ATP8B4: variants seen among roughly 807,000 people sequenced by gnomAD.
ATP8B4 encodes the protein probable phospholipid-transporting ATPase IM.
In ATP8B4, 133 loss-of-function variants were observed where a neutral mutation model predicts 145.6. The observed-to-expected ratio is 0.91, with a 90% CI of 0.79 to 1.05. The LOEUF is 1.05. Among genes scored for constraint, ATP8B4 ranks in the 50% least tolerant of loss-of-function variants. The pLI, the probability that ATP8B4 is intolerant of heterozygous loss-of-function variation, is 0.00. For synonymous variants in ATP8B4, 507 were observed against 492.9 expected, an observed-to-expected ratio of 1.03 and a Z score of -0.38; for missense variants, 1,458 against 1,425.2, an observed-to-expected ratio of 1.02 and a Z score of -0.37.
At chr15:49,896,754 C>A (rs556656060) in intron 23 of ATP8B4, 1 of 152,320 alleles carries the variant, frequency 6.6e-6, no homozygotes, top group East Asian at 1.9e-4. Context: ...GTATAAGAAG[C>A]GATATAAAAA....
At chr15:50,106,853 T>G in intron 2 of ATP8B4, 86 bp downstream of exon 2, 1 of 1,359,014 alleles carries the variant, frequency 7.4e-7, no homozygotes, top group Admixed American at 2.3e-5. Flanking sequence ...TGTGTGCTTT[T>G]TATATATAAA....
At chr15:50,074,004 G>C in intron 3 of ATP8B4, 123 bp downstream of exon 3, 2 of 669,798 alleles carry the variant, frequency 3.0e-6, no homozygotes, top group South Asian at 4.4e-5. Flanking sequence ...ATGTCACCTT[G>C]CTGTCAAAAT....
chr15:49,951,883 G>A (rs1176692438), intron 14 of ATP8B4, among the ~76,000 whole-genome samples: 1 of 152,160 alleles, frequency 6.6e-6, no homozygotes, highest in Non-Finnish European at 1.5e-5. Flanking sequence ...TGCACAGCAG[G>A]CTTGGTGGTA....
Position 49,900,965 on chromosome 15 carries a change from G to T in ATP8B4, c.2289+127C>A, listed in dbSNP as rs1260227601. 17 of 1,183,080 alleles carry T rather than the reference G, an allele frequency of 1.4e-5. No individual in the cohort carries two copies. In the East Asian group the frequency reaches 3.7e-4, roughly 26 times the overall value. The allele number at this position is 1,183,080 out of a possible 1,614,324, so 73.3% of individuals were successfully genotyped here. ...TTCCCTTTGCAAACAGGAAATCATC[G>T]CATATGCCCTGTATCTAGTAGTGAC... On this transcript the variant is annotated intron_variant, in intron 21 of 27. Transcript: ENST00000284509.
Position 49,931,278 on chromosome 15 carries a change from C to T in ATP8B4, c.1483G>A (p.Asp495Asn). The change falls in exon 16 of 28, where the codon GAT becomes AAT. Residue 495 changes from aspartate (D) to asparagine (N), a missense_variant. Coordinates refer to ENST00000284509, the MANE Select transcript of ATP8B4 (RefSeq NM_024837.4). ...GELIYQVQSP[D>N]EGALVTAARN... ...GCGGCAGTCACTAGAGCCCCTTCAT[C>T]AGGTGACTGAACTTGGTAAATCAGC... 6.2e-7 allele frequency: 1 copy of T among 1,612,498 alleles called. No individual in the cohort carries two copies. The highest frequency in any genetic ancestry group is 8.5e-7 in the Non-Finnish European group (1 of 1,179,104).
chr15:49,943,448 A>G (rs1431403556), intron 14 of ATP8B4, among the ~76,000 whole-genome samples: 2 of 152,154 alleles, frequency 1.3e-5, no homozygotes, highest in Non-Finnish European at 2.9e-5. Context: ...GTCAAAAGTC[A>G]AAGAGAATTT....
chr15:50,121,147 C>T (rs1449681867), upstream of ATP8B4, among the ~76,000 whole-genome samples: 1 of 152,108 alleles, frequency 6.6e-6, no homozygotes, highest in Non-Finnish European at 1.5e-5. Flanking sequence ...TGTTTATTGT[C>T]TCCCTCCCAC....
intron 14 of ATP8B4, among the ~76,000 whole-genome samples, chr15:49,944,437 C>T (rs1202616432): frequency 1.3e-5 from 2 of 152,174 alleles, no homozygotes; most frequent in South Asian, 2.1e-4. Flanking sequence ...AAAAGAGACA[C>T]AGCAGACTTT....
intron 1 of ATP8B4, among the ~76,000 whole-genome samples, chr15:50,167,884 A>T (rs1484232758): frequency 6.6e-6 from 1 of 152,190 alleles, no homozygotes; most frequent in Non-Finnish European, 1.5e-5. Flanking sequence ...ATATGTGAGT[A>T]AATAAAGGAA....
At position 49,872,236 on chromosome 15, in the gene ATP8B4, C is replaced by T. The variant is rs530472960; in HGVS notation, c.3027+4042G>A. 3.9e-5 allele frequency among the ~76,000 whole-genome samples: 6 copies of T among 152,266 alleles called. No homozygotes were observed. In the South Asian group the frequency reaches 1.2e-3, roughly 32 times the overall value. Reference sequence around the variant, plus strand: ...CAGACTGTTGGATCTTAGTGCTAAACCTGCAATGTTGTCACTGTGTGATCT... The same window carrying T: ...CAGACTGTTGGATCTTAGTGCTAAATCTGCAATGTTGTCACTGTGTGATCT... On this transcript the variant is annotated intron_variant, in intron 25 of 27. Transcript: ENST00000284509.
chr15:50,149,779 C>T (rs1362507988), intron 1 of ATP8B4, among the ~76,000 whole-genome samples: 1 of 152,106 alleles, frequency 6.6e-6, no homozygotes, highest in Non-Finnish European at 1.5e-5. Context: ...TAAAGGAAGA[C>T]AAAGGCTTTT....
chr15:50,173,584 G>T (rs2140874289), intron 1 of ATP8B4, among the ~76,000 whole-genome samples: 1 of 152,178 alleles, frequency 6.6e-6, no homozygotes, highest in Middle Eastern at 3.4e-3. Context: ...AGGGCCCTCT[G>T]CCTAGGAAAA....
At chr15:50,175,769 C>A (rs1797320) in intron 1 of ATP8B4, among the ~76,000 whole-genome samples, 1 of 152,038 alleles carries the variant, frequency 6.6e-6, no homozygotes, top group South Asian at 2.1e-4. Context: ...ACTAGTACAG[C>A]CACTATGGAA....
At chr15:49,898,806 A>T (rs2037705351) in intron 21 of ATP8B4, among the ~76,000 whole-genome samples, 1 of 152,170 alleles carries the variant, frequency 6.6e-6, no homozygotes. Flanking sequence ...CCTGTGCAAA[A>T]GGGGGGCACG....
intron 3 of ATP8B4, among the ~76,000 whole-genome samples, chr15:50,050,809 C>T (rs549698019): frequency 6.6e-6 from 1 of 151,468 alleles, no homozygotes; most frequent in African/African-American, 2.4e-5. Context: ...TTATTTGAGG[C>T]TTAATTCTAT....
At chr15:50,180,037 C>T (rs531125437) in intron 1 of ATP8B4, among the ~76,000 whole-genome samples, 3 of 152,190 alleles carry the variant, frequency 2.0e-5, no homozygotes, top group South Asian at 4.1e-4. Context: ...TTAATAATAC[C>T]GTAAAACGTT....
At chr15:49,961,525 T>C (rs988754095) in intron 14 of ATP8B4, among the ~76,000 whole-genome samples, 5 of 152,196 alleles carry the variant, frequency 3.3e-5, no homozygotes, top group African/African-American at 7.2e-5. Context: ...TAGAAAAATA[T>C]TGAAAATCCT....
intron 24 of ATP8B4, among the ~76,000 whole-genome samples, chr15:49,877,588 G>C (rs1339306016): frequency 1.3e-5 from 2 of 152,122 alleles, no homozygotes; most frequent in Admixed American, 6.6e-5. Context: ...CAGTGACTGA[G>C]GGTTATGTGC....
intron 6 of ATP8B4, among the ~76,000 whole-genome samples, chr15:50,035,520 C>A (rs2050768132): frequency 1.3e-5 from 2 of 152,188 alleles, no homozygotes; most frequent in Admixed American, 1.3e-4. Flanking sequence ...GTCATCCCTT[C>A]TGGGCCTTAA....
Sources: gnomAD v4.1 joint callset for allele counts (sites outside exome capture counted in the v4.1 genomes callset) on GRCh38, gnomAD v4.1.1 for gene constraint, MANE v1.5 for transcripts, NCBI Gene and HGNC (gene_info 2026-07-23, HGNC 2026-07-21) for gene names.